PPP1R27: variants seen among roughly 807,000 people sequenced by gnomAD.
PPP1R27 encodes the protein protein phosphatase 1 regulatory subunit 27, also known as dysferlin interacting protein 1.
Under a neutral mutation model 12.0 loss-of-function variants are expected in PPP1R27, and 10 were observed. The ratio of observed to expected loss-of-function variants is 0.84; its 90% confidence interval spans 0.52 to 1.42. PPP1R27 has a LOEUF of 1.42. PPP1R27 is among the 40% of genes most tolerant of loss of function. The probability of loss-of-function intolerance (pLI) is 0.00; values close to 1 mark genes in which losing one functional copy is unlikely to be tolerated. For synonymous variants in PPP1R27, 98 were observed against 89.3 expected (o/e 1.10, Z -0.55); for missense variants, 246 against 215.3 (o/e 1.14, Z -0.89).
chr17:81,833,983 G>C, intron 2 of PPP1R27, 131 bp from the exon 3 acceptor site: 1 of 1,069,492 alleles, frequency 9.4e-7, no homozygotes, highest in Non-Finnish European at 1.3e-6. Flanking sequence ...GGTCCGGGTA[G>C]GGTGAGGAGG....
At position 81,834,608 on chromosome 17, in the gene PPP1R27, C is replaced by T. The variant is rs2038589641; in HGVS notation, c.236G>A (p.Cys79Tyr). The T allele has an allele frequency of 6.2e-7, 1 of 1,614,230 alleles. No homozygotes were observed. The highest frequency in any genetic ancestry group is 8.5e-7 in the Non-Finnish European group (1 of 1,180,032). The stretch of plus-strand genomic sequence containing the variant: ...CCCGTATTTGACCAGCAGCTTCACG[C>T]ATTCCAGGTTTCCAGAGAGCACGGC... ...HEAVLSGNLE[C>Y]VKLLVKYGAD... is the part of the protein sequence containing the mutation. The change falls in exon 2 of 3, where the codon TGC becomes TAC. Residue 79 changes from cysteine (C) to tyrosine (Y), a missense_variant. Coordinates refer to ENST00000330261, the MANE Select transcript of PPP1R27 (RefSeq NM_001007533.4).
chr17:81,833,552 T>C lies in PPP1R27; in HGVS notation c.*177A>G. The C allele has an allele frequency of 1.6e-6, 1 of 618,982 alleles. No individual in the cohort carries two copies. The highest frequency in any genetic ancestry group is 3.2e-5 in the Admixed American group (1 of 31,348). The allele number at this position is 618,982 out of a possible 1,614,324, so 38.3% of individuals were successfully genotyped here. A position where few individuals can be genotyped will look rare whatever the true frequency, so the allele number is the denominator to read the frequency against. ...TCACGTTTATTGAAAAAGTAAAAAG[T>C]GTCACAGTAAAAAATTCACCTGGGG... On this transcript the variant is annotated 3_prime_UTR_variant, in exon 3 of 3. Coordinates refer to ENST00000330261, the MANE Select transcript of PPP1R27 (RefSeq NM_001007533.4).
rs773780140 is a variant in PPP1R27, at chr17:81,834,568, C to G, written c.276G>C (p.Gln92His). ...LLVKYGADIHQRDEAGWTPLH... is the reference protein window; with the variant it reads ...LLVKYGADIHHRDEAGWTPLH... The stretch of plus-strand genomic sequence containing the variant: ...GGGGTGTCCAGCCCGCCTCATCTCG[C>G]TGGTGAATGTCAGCCCCGTATTTGA... Residue 92 changes from glutamine (Q) to histidine (H), a missense_variant, in exon 2 of 3, where the codon CAG (glutamine) becomes CAC (histidine). Physicochemically the swap from Gln to His is conservative, Grantham distance 24 (BLOSUM62 0). Transcript: ENST00000330261. 4 of 1,614,098 alleles carry G rather than the reference C, an allele frequency of 2.5e-6. 1 individual carries two copies. In the African/African-American group the frequency reaches 5.3e-5, roughly 22 times the overall value.
At position 81,835,008 on chromosome 17, in the gene PPP1R27, A is replaced by G. The variant is rs766427229; in HGVS notation, c.-55T>C. The G allele has an allele frequency of 7.5e-5, 112 of 1,484,760 alleles. No homozygotes were observed. Among genetic ancestry groups the G allele is most frequent in the Non-Finnish European group, 9.4e-5 (105 of 1,117,866 alleles). 92.0% of individuals were successfully genotyped at this position (1,484,760 alleles called of 1,614,324 possible). ...GGGACCCTACTGCACTGGGGTTAATAATGTATCCGGTCCCGACCAGATCAG... is the reference window on the plus strand; with the variant it reads ...GGGACCCTACTGCACTGGGGTTAATGATGTATCCGGTCCCGACCAGATCAG... On this transcript the variant is annotated 5_prime_UTR_variant, in exon 1 of 3. Coordinates refer to ENST00000330261, the MANE Select transcript of PPP1R27 (RefSeq NM_001007533.4).
intron 1 of PPP1R27, 51 bp from the exon 2 acceptor site, chr17:81,834,704 C>G: frequency 6.2e-7 from 1 of 1,610,606 alleles, no homozygotes; most frequent in Non-Finnish European, 8.5e-7. Context: ...GTCAGGTCCT[C>G]CTTGCTGGCC....
Position 81,833,794 on chromosome 17 carries a change from A to G in PPP1R27, c.400T>C (p.Ser134Pro). 3.2e-6 allele frequency: 5 copies of G among 1,565,252 alleles called. No individual in the cohort carries two copies. Among genetic ancestry groups the G allele is most frequent in the Non-Finnish European group, 4.3e-6 (5 of 1,154,686 alleles). ...TTGTAGTCCGGGTCGATGAGGTCGG[A>G]GGGCAGGTCGCCATCGTCGTTGGTT... ...DATNDDGDLPSDLIDPDYKEL... is the reference protein window; with the variant it reads ...DATNDDGDLPPDLIDPDYKEL... The change falls in exon 3 of 3, where the codon TCC (serine) becomes CCC (proline). Residue 134 changes from serine to proline, a missense_variant. Physicochemically the swap from Ser to Pro is moderately conservative, Grantham distance 74. Transcript: ENST00000330261.
At chr17:81,834,051 CA>C in intron 2 of PPP1R27, 199 bp from the exon 3 acceptor site, 1 of 596,654 alleles carries the variant, frequency 1.7e-6, no homozygotes, top group Non-Finnish European at 2.9e-6. Flanking sequence ...CTATTGAGGA[CA>C]AAGGCAGAAA....
Position 81,833,783 on chromosome 17 carries a change from G to T in PPP1R27, c.411C>A (p.Ile137=), listed in dbSNP as rs199832178. ...CCACCAGCTCCTTGTAGTCCGGGTC[G>T]ATGAGGTCGGAGGGCAGGTCGCCAT... The part of the protein sequence containing the change: ...NDDGDLPSDL[I]DPDYKELVEL... The change falls in exon 3 of 3, where the codon ATC becomes ATA. Residue 137 remains isoleucine, a synonymous_variant. Coordinates refer to ENST00000330261, the MANE Select transcript of PPP1R27 (RefSeq NM_001007533.4). The T allele has an allele frequency of 6.4e-7, 1 of 1,559,432 alleles. No homozygotes were observed. Among genetic ancestry groups the T allele is most frequent in the South Asian group, 1.2e-5 (1 of 84,632 alleles).
chr17:81,834,901 C>G lies in PPP1R27; in HGVS notation c.53G>C (p.Arg18Pro). 6.2e-7 allele frequency: 1 copy of G among 1,612,086 alleles called. No individual in the cohort carries two copies. The stretch of plus-strand genomic sequence containing the variant: ...CACGCTGCGATCAGCCAGCATCCGC[C>G]GCCGCCGCTGCCGTGGGCTGTAGCG... ...YARYSPRQRR[R>P]RMLADRSVRF... Residue 18 changes from arginine (R) to proline (P), a missense_variant, in exon 1 of 3, where the codon CGG (arginine) becomes CCG (proline). Arg to Pro is a moderately radical substitution (Grantham distance 103). Transcript: ENST00000330261.
rs780331549 is a variant in PPP1R27 at position 81,834,929 on chromosome 17, C to G, written c.25G>C (p.Ala9Pro). 2.5e-6 allele frequency: 4 copies of G among 1,609,260 alleles called. 1 individual carries two copies. The African/African-American group carries it at 5.3e-5, about 21-fold the overall frequency. ...CGCCGCTGCCGTGGGCTGTAGCGGG[C>G]ATAGCGGGCAGTTCTGCTAGGCATC... Reference protein sequence around the residue: MPSRTARYARYSPRQRRRR... With the variant: MPSRTARYPRYSPRQRRRR... Residue 9 changes from alanine (A) to proline (P), a missense_variant, in exon 1 of 3, where the codon GCC (alanine) becomes CCC (proline). By Grantham distance (27) the Ala-to-Pro change is conservative (BLOSUM62 -1). Coordinates refer to ENST00000330261, the MANE Select transcript of PPP1R27 (RefSeq NM_001007533.4).
chr17:81,833,709 G>C lies in PPP1R27; in HGVS notation c.*20C>G, dbSNP rs375182460. 1,715 of 1,544,790 alleles carry C rather than the reference G, an allele frequency of 1.1e-3. 4 individuals are homozygous for C. The highest frequency in any genetic ancestry group is 1.4e-3 in the Non-Finnish European group (1,584 of 1,146,010). On this transcript the variant is annotated 3_prime_UTR_variant, in exon 3 of 3. Transcript: ENST00000330261. Reference sequence around the variant, plus strand: ...CCAGGGAGGCGGCCCTGGGCGCGGGGGCGGGCGGGCAAAGCTGGCTCAGTC... The same window carrying C: ...CCAGGGAGGCGGCCCTGGGCGCGGGCGCGGGCGGGCAAAGCTGGCTCAGTC...
intron 2 of PPP1R27, 73 bp from the exon 3 acceptor site, chr17:81,833,925 G>C (rs1567830206): frequency 5.2e-6 from 8 of 1,535,686 alleles, no homozygotes; most frequent in Non-Finnish European, 7.0e-6. Context: ...CGGGTCAGAG[G>C]GCCAGAGTCC....
chr17:81,834,992 C>G lies in PPP1R27; in HGVS notation c.-39G>C, dbSNP rs894621524. 2 of 1,535,682 alleles carry G rather than the reference C, an allele frequency of 1.3e-6. No individual in the cohort carries two copies. The highest frequency in any genetic ancestry group is 2.7e-5 in the African/African-American group (2 of 73,364). ...GGGCAGGTTGCCCCTGGGGACCCTACTGCACTGGGGTTAATAATGTATCCG... is the reference window on the plus strand; with the variant it reads ...GGGCAGGTTGCCCCTGGGGACCCTAGTGCACTGGGGTTAATAATGTATCCG... On this transcript the variant is annotated 5_prime_UTR_variant, in exon 1 of 3. Coordinates refer to ENST00000330261, the MANE Select transcript of PPP1R27 (RefSeq NM_001007533.4).
intron 1 of PPP1R27, 44 bp from the exon 2 acceptor site, chr17:81,834,697 A>T: frequency 6.2e-7 from 1 of 1,611,880 alleles, no homozygotes. Context: ...GCCCCAGGTC[A>T]GGTCCTCCTT....
intron 2 of PPP1R27, 55 bp downstream of exon 2, chr17:81,834,448 C>G: frequency 1.3e-6 from 2 of 1,585,432 alleles, no homozygotes; most frequent in African/African-American, 2.7e-5. Context: ...CCTGGGGACC[C>G]ACTGAGGCCC....
In PPP1R27 at chr17:81,833,554, T is replaced by C. The variant is rs2038570623; in HGVS notation, c.*175A>G. On this transcript the variant is annotated 3_prime_UTR_variant, in exon 3 of 3. Transcript: ENST00000330261. The stretch of plus-strand genomic sequence containing the variant: ...ACGTTTATTGAAAAAGTAAAAAGTG[T>C]CACAGTAAAAAATTCACCTGGGGAC... 48 of 626,166 alleles carry C rather than the reference T, an allele frequency of 7.7e-5. No homozygotes were observed. The South Asian group carries it at 9.5e-4, about 12-fold the overall frequency. 38.8% of individuals were successfully genotyped at this position (626,166 alleles called of 1,614,324 possible).
chr17:81,833,960 C>G, intron 2 of PPP1R27, 108 bp from the exon 3 acceptor site: 1 of 1,337,862 alleles, frequency 7.5e-7, no homozygotes, highest in Non-Finnish European at 1.0e-6. Flanking sequence ...TGTCCCCCAC[C>G]TTGGGGTCCT....
rs975331186 is a variant in PPP1R27, at chr17:81,833,620, G to A, written c.*109C>T. 2.5e-6 allele frequency: 3 copies of A among 1,211,534 alleles called. No homozygotes were observed. Among genetic ancestry groups the A allele is most frequent in the Non-Finnish European group, 3.4e-6 (3 of 894,970 alleles). 75.0% of individuals were successfully genotyped at this position (1,211,534 alleles called of 1,614,324 possible). On this transcript the variant is annotated 3_prime_UTR_variant, in exon 3 of 3. Coordinates refer to ENST00000330261, the MANE Select transcript of PPP1R27 (RefSeq NM_001007533.4). The stretch of plus-strand genomic sequence containing the variant: ...AGGGGTGGCGGGGTCGTGGAGGGAC[G>A]GGTCCGGCCGCCCCTGGCCCACGGG...
rs1014481298 is a variant in PPP1R27 at position 81,834,787 on chromosome 17, G to T, written c.167C>A (p.Ser56Tyr). The T allele has an allele frequency of 1.1e-5, 18 of 1,612,798 alleles. No individual in the cohort carries two copies. Among genetic ancestry groups the T allele is most frequent in the Admixed American group, 6.7e-5 (4 of 59,936 alleles). ...VGRFIRTRKVSLATIHPSGLA... is the reference protein window; with the variant it reads ...VGRFIRTRKVYLATIHPSGLA... ...ACCTGAGGGGTGGATGGTGGCCAGG[G>T]AGACTTTCCGAGTCCGGATGAAGCG... Residue 56 changes from serine (S) to tyrosine (Y), a missense_variant, in exon 1 of 3, where the codon TCC becomes TAC. By Grantham distance (144) the Ser-to-Tyr change is moderately radical. Coordinates refer to ENST00000330261, the MANE Select transcript of PPP1R27 (RefSeq NM_001007533.4).
Sources: gnomAD v4.1 joint callset for allele counts on GRCh38, gnomAD v4.1.1 for gene constraint, MANE v1.5 for transcripts, NCBI Gene and HGNC (gene_info 2026-07-23, HGNC 2026-07-21) for gene names.